LRRC37A: variants seen among roughly 807,000 people sequenced by gnomAD.
The protein encoded by LRRC37A is leucine-rich repeat-containing protein 37A.
A neutral mutation model predicts 35.4 loss-of-function variants in LRRC37A; 3 were observed. That is an observed-to-expected ratio of 0.08 (90% CI 0.04 to 0.22). The LOEUF is 0.22. Among genes scored for constraint, LRRC37A ranks in the 10% least tolerant of loss-of-function variants. The probability of loss-of-function intolerance (pLI) is 1.00; values close to 1 mark genes in which losing one functional copy is unlikely to be tolerated. For missense variants in LRRC37A, 67 were observed against 565.3 expected, an observed-to-expected ratio of 0.12 and a Z score of 8.94; for synonymous variants, 23 against 215.0, an observed-to-expected ratio of 0.11 and a Z score of 7.81.
chr17:46,257,990 A>G, the LRRC37A span, among the ~76,000 whole-genome samples: 1 of 152,300 alleles, frequency 6.6e-6, no homozygotes, highest in African/African-American at 2.4e-5. Context: ...TCTTATCTGA[A>G]GACTCAATTG....
the LRRC37A span, among the ~76,000 whole-genome samples, chr17:46,283,142 G>A: frequency 6.6e-6 from 1 of 152,086 alleles, no homozygotes; most frequent in Admixed American, 6.6e-5. Flanking sequence ...AAATAACCGA[G>A]TATGCACAAT....
the LRRC37A span, among the ~76,000 whole-genome samples, chr17:46,258,601 G>A: frequency 6.6e-6 from 1 of 152,092 alleles, no homozygotes; most frequent in Non-Finnish European, 1.5e-5. Context: ...TCAATGAGTG[G>A]CTAAAGAAAC....
chr17:46,266,461 G>T, the LRRC37A span, among the ~76,000 whole-genome samples: 1 of 152,200 alleles, frequency 6.6e-6, no homozygotes, highest in African/African-American at 2.4e-5. Context: ...AATCCCTGCG[G>T]CTCGGTTTTG....
At chr17:46,274,455 C>T in the LRRC37A span, among the ~76,000 whole-genome samples, 2 of 152,210 alleles carry the variant, frequency 1.3e-5, no homozygotes, top group Non-Finnish European at 2.9e-5. Context: ...ATTGTTGATT[C>T]GCAGTTGTGT....
the LRRC37A span, chr17:46,274,984 C>G: frequency 6.4e-6 from 1 of 157,478 alleles, no homozygotes; most frequent in East Asian, 1.9e-4. Context: ...CCTCTGCCTC[C>G]CGGGTTCCAG....
the LRRC37A span, among the ~76,000 whole-genome samples, chr17:46,272,063 A>G: frequency 6.6e-6 from 1 of 152,266 alleles, no homozygotes; most frequent in Non-Finnish European, 1.5e-5. Flanking sequence ...CCCAGCCACA[A>G]TTTTATTTAA....
chr17:46,277,515 T>C, the LRRC37A span, among the ~76,000 whole-genome samples: 8 of 152,242 alleles, frequency 5.3e-5, no homozygotes, highest in East Asian at 1.9e-4. Context: ...TCAAAAAGCA[T>C]AGAGGGGCTT....
chr17:46,264,146 C>CTTTTTTT, the LRRC37A span, among the ~76,000 whole-genome samples: 16 of 138,774 alleles, frequency 1.2e-4, no homozygotes, highest in Non-Finnish European at 2.2e-4. Context: ...CCTCAGCTGA[C>CTTTTTTT]TTTTTTTTTT....
chr17:46,285,402 G>A, the LRRC37A span, among the ~76,000 whole-genome samples: 4 of 151,908 alleles, frequency 2.6e-5, no homozygotes, highest in African/African-American at 4.8e-5. Flanking sequence ...CACCACACCC[G>A]ACTAGTTTTT....
the LRRC37A span, among the ~76,000 whole-genome samples, chr17:46,258,063 A>G: frequency 5.9e-5 from 9 of 152,154 alleles, no homozygotes; most frequent in Non-Finnish European, 1.0e-4. Context: ...CTTACTGAAT[A>G]TTGGTTGAAG....
chr17:46,261,726 T>C, the LRRC37A span, among the ~76,000 whole-genome samples: 167 of 151,144 alleles, frequency 1.1e-3, no homozygotes, highest in African/African-American at 3.9e-3. Context: ...TTTGTAATAT[T>C]TTAACCACTA....
chr17:46,283,502 G>A, the LRRC37A span, among the ~76,000 whole-genome samples: 60 of 152,308 alleles, frequency 3.9e-4, no homozygotes, highest in African/African-American at 1.4e-3. Context: ...TTTTAAATGC[G>A]ATACATGAAA....
chr17:46,263,625 C>G, the LRRC37A span, among the ~76,000 whole-genome samples: 2 of 150,880 alleles, frequency 1.3e-5, no homozygotes, highest in Admixed American at 1.3e-4. Context: ...GAGGCTGAGC[C>G]GGGCAGATCA....
the LRRC37A span, among the ~76,000 whole-genome samples, chr17:46,252,389 T>C: frequency 7.0e-6 from 1 of 143,118 alleles, no homozygotes; most frequent in Non-Finnish European, 1.6e-5. Flanking sequence ...TTTTTTTTTT[T>C]TTTAATTGAT....
intron 10 of LRRC37A, among the ~76,000 whole-genome samples, chr17:46,333,055 C>T (rs1245620894): frequency 3.2e-5 from 4 of 126,030 alleles, no homozygotes; most frequent in African/African-American, 8.3e-5. Context: ...TTGTCATCAC[C>T]CTGGAGAGGA....
chr17:46,282,836 G>A, the LRRC37A span, among the ~76,000 whole-genome samples: 1 of 152,246 alleles, frequency 6.6e-6, no homozygotes, highest in South Asian at 2.1e-4. Context: ...ATCACTGTGG[G>A]GGCTGGGCGC....
the LRRC37A span, among the ~76,000 whole-genome samples, chr17:46,258,771 GT>G: frequency 0.046 from 5,598 of 122,436 alleles, 1 homozygote; most frequent in Middle Eastern, 0.12. Flanking sequence ...CTGGAGTGCA[GT>G]TGTGCAATCT....
the LRRC37A span, among the ~76,000 whole-genome samples, chr17:46,279,978 AT>A: frequency 6.6e-6 from 1 of 152,152 alleles, no homozygotes. Flanking sequence ...TCCTGCTAGG[AT>A]TTGGATTGCT....
chr17:46,288,311 T>C (rs1291709629), upstream of LRRC37A, among the ~76,000 whole-genome samples: 5 of 146,604 alleles, frequency 3.4e-5, no homozygotes, highest in African/African-American at 7.7e-5. Flanking sequence ...CCGGCTTTTT[T>C]TTTTTTTTTT....
Sources: allele counts gnomAD v4.1 joint callset (sites outside exome capture counted in the v4.1 genomes callset), GRCh38; gene constraint gnomAD v4.1.1; transcripts MANE v1.5; gene names NCBI Gene and HGNC (gene_info 2026-07-23, HGNC 2026-07-21).